FNIP2: variants seen among roughly 807,000 people sequenced by gnomAD.
FNIP2 encodes the protein folliculin interacting protein 2.
Under a neutral mutation model 108.7 loss-of-function variants are expected in FNIP2, and 32 were observed. The observed-to-expected ratio is 0.29, with a 90% CI of 0.22 to 0.40. The LOEUF (loss-of-function observed/expected upper bound fraction) is 0.40. FNIP2 is among the 10% of genes least tolerant of loss of function. The pLI is 1.00. For missense variants in FNIP2, 1,202 were observed against 1,381.6 expected (o/e 0.87, Z 2.06); for synonymous variants, 480 against 496.7 (o/e 0.97, Z 0.45).
chr4:158,866,144 G>T (rs1780562022), intron 12 of FNIP2, among the ~76,000 whole-genome samples: 1 of 143,556 alleles, frequency 7.0e-6, no homozygotes, highest in African/African-American at 2.6e-5. Context: ...ATTCTGATTT[G>T]TACTGATTAC....
chr4:158,906,829 T>A lies in FNIP2; in HGVS notation c.*2285T>A, dbSNP rs1209790067. On this transcript the variant is annotated 3_prime_UTR_variant, in exon 17 of 17. Coordinates refer to ENST00000264433, the MANE Select transcript of FNIP2 (RefSeq NM_020840.3). ...AAAGAAAAAAAAAACCTCACAGAAT[T>A]GTGTTGAGATCCACCGCTCACACGC... 6.6e-6 allele frequency: 1 copy of A among 151,806 alleles called. No individual in the cohort carries two copies. Among genetic ancestry groups the A allele is most frequent in the Non-Finnish European group, 1.5e-5 (1 of 67,974 alleles). 9.4% of individuals were successfully genotyped at this position (151,806 alleles called of 1,614,324 possible).
intron 14 of FNIP2, among the ~76,000 whole-genome samples, chr4:158,883,351 C>T (rs570256649): frequency 6.0e-4 from 91 of 152,234 alleles, no homozygotes; most frequent in African/African-American, 2.1e-3. Context: ...ACGCCATTCT[C>T]CTGCCTCAGC....
In FNIP2 at chr4:158,831,880, A is replaced by G; in HGVS notation, c.401A>G (p.Asp134Gly). Residue 134 changes from aspartate to glycine, a missense_variant, in exon 4 of 17, where the codon GAT becomes GGT. By Grantham distance (94) the Asp-to-Gly change is moderately conservative. This residue lies in a region of FNIP2 where 173 missense variants were observed against 165.9 expected (regional missense o/e 1.04). Transcript: ENST00000264433. ...ATGTAGTACACAAGACCAGCTTCCGATGTCAACATGTTAGGGGAAATGATG... is the reference window on the plus strand; with the variant it reads ...ATGTAGTACACAAGACCAGCTTCCGGTGTCAACATGTTAGGGGAAATGATG... ...PKYQYTRPAS[D>G]VNMLGEMMFG... is the part of the protein sequence containing the mutation. 6.2e-7 allele frequency: 1 copy of G among 1,611,616 alleles called. No homozygotes were observed. The highest frequency in any genetic ancestry group is 1.1e-5 in the South Asian group (1 of 90,388).
intron 1 of FNIP2, among the ~76,000 whole-genome samples, chr4:158,776,734 G>A (rs1458857813): frequency 6.6e-6 from 1 of 152,194 alleles, no homozygotes; most frequent in East Asian, 1.9e-4. Flanking sequence ...CCTTGCCATT[G>A]TGTCTCTGCT....
At chr4:158,836,434 A>G (rs560861608) in intron 7 of FNIP2, 1 of 152,258 alleles carries the variant, frequency 6.6e-6, no homozygotes, top group South Asian at 2.1e-4. Context: ...CATTTTATTT[A>G]TGGTTAAAAT....
chr4:158,785,298 A>T (rs376040356), intron 1 of FNIP2, among the ~76,000 whole-genome samples: 1 of 151,940 alleles, frequency 6.6e-6, no homozygotes, highest in Non-Finnish European at 1.5e-5. Flanking sequence ...GTTGGCCAGG[A>T]TGGTCGCGAT....
In FNIP2 at chr4:158,778,383, C is replaced by T. The variant is rs1038109012; in HGVS notation, c.107+9064C>T. Among the ~76,000 whole-genome samples the T allele has an allele frequency of 3.9e-5, 6 of 152,232 alleles. No homozygotes were observed. The East Asian group carries it at 9.6e-4, about 24-fold the overall frequency. ...TAGCTCTGCTCTGCAAGGAGCAGTA[C>T]CATTTAAAAAAGAAGAAAGAAGATT... On this transcript the variant is annotated intron_variant, in intron 1 of 16. Coordinates refer to ENST00000264433, the MANE Select transcript of FNIP2 (RefSeq NM_020840.3).
intron 1 of FNIP2, among the ~76,000 whole-genome samples, chr4:158,770,481 G>A (rs1775660084): frequency 6.6e-6 from 1 of 152,108 alleles, no homozygotes; most frequent in Non-Finnish European, 1.5e-5. Context: ...TAAGTTTTAT[G>A]TTCTAGATTT....
chr4:158,861,085 C>T (rs1780263462), intron 10 of FNIP2, among the ~76,000 whole-genome samples: 1 of 152,150 alleles, frequency 6.6e-6, no homozygotes, highest in South Asian at 2.1e-4. Flanking sequence ...GCCGTTGTCC[C>T]ACAGAAGCAG....
intron 7 of FNIP2, among the ~76,000 whole-genome samples, chr4:158,841,477 C>T (rs1306088271): frequency 1.3e-5 from 2 of 152,154 alleles, no homozygotes; most frequent in Admixed American, 6.5e-5. Context: ...CCCGTTTGTA[C>T]GTGAACCCTT....
chr4:158,786,600 T>C (rs1289241395), intron 1 of FNIP2, among the ~76,000 whole-genome samples: 1 of 152,144 alleles, frequency 6.6e-6, no homozygotes, highest in Non-Finnish European at 1.5e-5. Flanking sequence ...GACTTGAAAA[T>C]AATTATTTCA....
intron 7 of FNIP2, among the ~76,000 whole-genome samples, chr4:158,840,127 T>TTAA (rs1779041677): frequency 6.6e-6 from 1 of 151,894 alleles, no homozygotes; most frequent in Non-Finnish European, 1.5e-5. Flanking sequence ...GGGACACAGG[T>TTAA]TATGGAGGAG....
chr4:158,872,745 T>C lies in FNIP2; in HGVS notation c.2949+2276T>C, dbSNP rs1299019298. On this transcript the variant is annotated intron_variant, in intron 14 of 16. Transcript: ENST00000264433. The stretch of plus-strand genomic sequence containing the variant: ...TGGTCTATGGTAGTGTTTTTTTTTT[T>C]TTTTTTAAAAAACAGGCTTACTTTC... The C allele has an allele frequency of 4.1e-6, 4 of 983,486 alleles. No individual in the cohort carries two copies. The East Asian group carries it at 4.5e-4, about 111-fold the overall frequency. The allele number at this position is 983,486 out of a possible 1,614,324, so 60.9% of individuals were successfully genotyped here. A position where few individuals can be genotyped will look rare whatever the true frequency, so the allele number is the denominator to read the frequency against.
chr4:158,862,314 CAT>C (rs1314752684), intron 12 of FNIP2, among the ~76,000 whole-genome samples: 8 of 152,192 alleles, frequency 5.3e-5, no homozygotes, highest in African/African-American at 1.9e-4. Context: ...TGGTTTTACA[CAT>C]AGTCATTAGA....
intron 16 of FNIP2, among the ~76,000 whole-genome samples, chr4:158,903,421 C>T (rs1400688988): frequency 2.6e-5 from 4 of 152,308 alleles, no homozygotes; most frequent in East Asian, 1.9e-4. Context: ...TGTTCCTATT[C>T]GGCCGTCTTG....
At chr4:158,866,507 C>T (rs34615736) in intron 12 of FNIP2, among the ~76,000 whole-genome samples, 78,558 of 151,332 alleles carry the variant, frequency 0.52, 22,283 homozygotes, top group East Asian at 0.86. Flanking sequence ...TGTGAGCCAC[C>T]GTGCCCAGCC....
intron 7 of FNIP2, among the ~76,000 whole-genome samples, chr4:158,836,958 G>C (rs1380315537): frequency 6.6e-6 from 1 of 152,078 alleles, no homozygotes; most frequent in East Asian, 1.9e-4. Context: ...CTGTTTAATG[G>C]TGCTGAAGAT....
intron 14 of FNIP2, among the ~76,000 whole-genome samples, chr4:158,882,824 T>A (rs1323776262): frequency 6.6e-6 from 1 of 151,996 alleles, no homozygotes; most frequent in African/African-American, 2.4e-5. Flanking sequence ...TCATCACCAC[T>A]CCCTAATCTC....
chr4:158,789,135 CA>C (rs1477369331), intron 1 of FNIP2, among the ~76,000 whole-genome samples: 2 of 152,114 alleles, frequency 1.3e-5, no homozygotes, highest in Non-Finnish European at 2.9e-5. Context: ...TGTTTAAAGT[CA>C]TTAAAGGTTT....
Sources: allele counts gnomAD v4.1 joint callset (sites outside exome capture counted in the v4.1 genomes callset), GRCh38; gene constraint gnomAD v4.1.1; regional missense constraint gnomAD v4.1.1; transcripts MANE v1.5; gene names NCBI Gene and HGNC (gene_info 2026-07-23, HGNC 2026-07-21).